The following NRXN3 variants were observed in gnomAD, a reference collection of about 807,000 sequenced individuals.
NRXN3 encodes neurexin III.
In NRXN3, 32 loss-of-function variants were observed where a neutral mutation model predicts 137.6. The observed-to-expected ratio is 0.23, with a 90% CI of 0.18 to 0.31. The LOEUF is 0.31. Among genes scored for constraint, NRXN3 ranks in the 10% least tolerant of loss-of-function variants. The pLI, the probability that NRXN3 is intolerant of heterozygous loss-of-function variation, is 1.00. For missense variants in NRXN3, 1,574 were observed against 2,062.5 expected, an observed-to-expected ratio of 0.76 and a Z score of 4.59; for synonymous variants, 798 against 784.5, an observed-to-expected ratio of 1.02 and a Z score of -0.29.
At chr14:79,797,056 C>T (rs1218229034) in intron 19 of NRXN3, among the ~76,000 whole-genome samples, 1 of 152,156 alleles carries the variant, frequency 6.6e-6, no homozygotes, top group Non-Finnish European at 1.5e-5. Flanking sequence ...ACATCATAGG[C>T]AATTAATAAA....
chr14:78,392,279 A>G (rs1449696744), intron 4 of NRXN3, among the ~76,000 whole-genome samples: 1 of 152,190 alleles, frequency 6.6e-6, no homozygotes, highest in South Asian at 2.1e-4. Flanking sequence ...TCTGTGCTCA[A>G]TGAAATATGT....
rs555729625 is a variant in NRXN3, at chr14:78,741,835, G to C, written c.2044+26696G>C. Among the ~76,000 whole-genome samples, 15 of 152,232 alleles carry C rather than the reference G, an allele frequency of 9.9e-5. No individual in the cohort carries two copies. In the South Asian group the frequency reaches 2.9e-3, roughly 29 times the overall value. On this transcript the variant is annotated intron_variant, in intron 8 of 20. Transcript: ENST00000335750. ...AGCTTTTTTTCTGAATGATAGGTTA[G>C]ATGCTAATTTGCCTGCGGTGCCTAC...
chr14:79,242,163 TC>T (rs1555888082), intron 15 of NRXN3, among the ~76,000 whole-genome samples: 1 of 152,082 alleles, frequency 6.6e-6, no homozygotes, highest in Non-Finnish European at 1.5e-5. Flanking sequence ...CTCATAAAAG[TC>T]ATGTAACGTG....
chr14:78,607,045 A>G (rs1188765910), intron 4 of NRXN3, among the ~76,000 whole-genome samples: 1 of 152,160 alleles, frequency 6.6e-6, no homozygotes, highest in African/African-American at 2.4e-5. Context: ...AATTTCTATG[A>G]TCACAGCCCC....
intron 15 of NRXN3, among the ~76,000 whole-genome samples, chr14:79,465,328 T>G (rs2096406981): frequency 6.6e-6 from 1 of 152,174 alleles, no homozygotes; most frequent in Admixed American, 6.5e-5. Flanking sequence ...AATCATAGAC[T>G]TTGCATACCA....
intron 16 of NRXN3, among the ~76,000 whole-genome samples, chr14:79,591,732 AGGATTCAGTAATAGTAG>A (rs1041973404): frequency 2.0e-5 from 3 of 152,172 alleles, no homozygotes; most frequent in Non-Finnish European, 4.4e-5. Context: ...CAATATTTTA[AGGATTCAGTAATAGTAG>A]GGTTTCCATT....
intron 3 of NRXN3, among the ~76,000 whole-genome samples, chr14:78,296,346 G>A (rs1221091538): frequency 6.6e-6 from 1 of 152,098 alleles, no homozygotes; most frequent in Non-Finnish European, 1.5e-5. Context: ...GATTACAGGT[G>A]TGAGCCACTC....
chr14:79,509,328 A>G (rs2096909633), intron 16 of NRXN3, among the ~76,000 whole-genome samples: 1 of 152,186 alleles, frequency 6.6e-6, no homozygotes. Flanking sequence ...CAATATGGTG[A>G]AACCATGTCT....
At position 79,648,506 on chromosome 14, in the gene NRXN3, G is replaced by A. The variant is rs548931210; in HGVS notation, c.3445-15272G>A. Among the ~76,000 whole-genome samples, 4 of 135,782 alleles carry A rather than the reference G, an allele frequency of 2.9e-5. No homozygotes were observed. In the East Asian group the frequency reaches 7.9e-4, roughly 27 times the overall value. 89.1% of individuals were successfully genotyped at this position (135,782 alleles called of 152,430 possible). On this transcript the variant is annotated intron_variant, in intron 16 of 20. Transcript: ENST00000335750. ...AAAAATAAAACTTATGTGAGCACTC[G>A]ATCCAGCATAAAGTCTCTGAATTTG...
At position 79,286,920 on chromosome 14, in the gene NRXN3, T is replaced by C. The variant is rs139614212; in HGVS notation, c.3263-180301T>C. On this transcript the variant is annotated intron_variant, in intron 15 of 20. Transcript: ENST00000335750. ...ATAATAATAGTTAACCATACTTATA[T>C]CACAGAAATTGTATGAGAGATTAAA... Among the ~76,000 whole-genome samples the C allele has an allele frequency of 2.8e-3, 425 of 152,336 alleles. 3 individuals carry two copies. The highest frequency in any genetic ancestry group is 9.7e-3 in the African/African-American group (404 of 41,582).
At chr14:78,430,249 A>G (rs1023607608) in intron 4 of NRXN3, among the ~76,000 whole-genome samples, 7 of 152,204 alleles carry the variant, frequency 4.6e-5, no homozygotes, top group African/African-American at 1.7e-4. Context: ...ATTTTTGAAA[A>G]ATGAAAAAGA....
At chr14:78,521,968 A>G (rs1227402282) in intron 4 of NRXN3, among the ~76,000 whole-genome samples, 1 of 152,180 alleles carries the variant, frequency 6.6e-6, no homozygotes, top group Non-Finnish European at 1.5e-5. Flanking sequence ...GCAGGAAGGA[A>G]TAGGTAAGAG....
Position 79,852,957 on chromosome 14 carries a change from T to C in NRXN3, c.4094-8385T>C, listed in dbSNP as rs868152470. The stretch of plus-strand genomic sequence containing the variant: ...TCTAAAATTATGAGAAAAAAAGTTA[T>C]GAATTGTTTTCTGCAGTTTTTCCCC... On this transcript the variant is annotated intron_variant, in intron 20 of 20. Coordinates refer to ENST00000335750, the MANE Select transcript of NRXN3 (RefSeq NM_001330195.2). 1.4e-3 allele frequency among the ~76,000 whole-genome samples: 214 copies of C among 152,262 alleles called. 1 individual carries two copies. Among genetic ancestry groups the C allele is most frequent in the African/African-American group, 4.8e-3 (201 of 41,564 alleles).
chr14:79,461,113 A>G (rs1459010889), intron 15 of NRXN3, among the ~76,000 whole-genome samples: 1 of 152,042 alleles, frequency 6.6e-6, no homozygotes, highest in Non-Finnish European at 1.5e-5. Context: ...CAGTTTTTCC[A>G]TCTGTTATTC....
chr14:78,219,424 C>T (rs1228630643), intron 1 of NRXN3, among the ~76,000 whole-genome samples: 1 of 152,144 alleles, frequency 6.6e-6, no homozygotes, highest in Non-Finnish European at 1.5e-5. Flanking sequence ...ACACAGAAGA[C>T]CATGTAGCCC....
intron 10 of NRXN3, among the ~76,000 whole-genome samples, chr14:78,902,917 T>G (rs1436823942): frequency 6.6e-6 from 1 of 151,770 alleles, no homozygotes; most frequent in Non-Finnish European, 1.5e-5. Flanking sequence ...GTTCCCTCTG[T>G]CTGGAACATA....
intron 16 of NRXN3, among the ~76,000 whole-genome samples, chr14:79,627,292 A>T (rs773051941): frequency 2.0e-4 from 31 of 152,190 alleles, no homozygotes; most frequent in Non-Finnish European, 4.6e-4. Context: ...GCCTACTAAG[A>T]ACCAGGGGAA....
chr14:79,352,066 G>A (rs2093236359), intron 15 of NRXN3, among the ~76,000 whole-genome samples: 1 of 152,136 alleles, frequency 6.6e-6, no homozygotes, highest in South Asian at 2.1e-4. Context: ...TCCCCAGTAG[G>A]GCTATTGATG....
At chr14:78,364,340 GA>G (rs1345439013) in intron 4 of NRXN3, among the ~76,000 whole-genome samples, 10 of 152,312 alleles carry the variant, frequency 6.6e-5, no homozygotes, top group Admixed American at 3.9e-4. Flanking sequence ...GCATAGCTGG[GA>G]GGCAGATCAA....
Sources: allele counts gnomAD v4.1 joint callset (sites outside exome capture counted in the v4.1 genomes callset), GRCh38; gene constraint gnomAD v4.1.1; transcripts MANE v1.5; gene names NCBI Gene and HGNC (gene_info 2026-07-23, HGNC 2026-07-21).